Variants in GRAMD1B observed in about 807,000 individuals in gnomAD.
GRAMD1B encodes protein Aster-B.
A neutral mutation model predicts 99.7 loss-of-function variants in GRAMD1B; 37 were observed. The observed-to-expected ratio is 0.37, with a 90% CI of 0.29 to 0.49. GRAMD1B has a LOEUF of 0.49. Among genes scored for constraint, GRAMD1B ranks in the 20% least tolerant of loss-of-function variants. The probability of loss-of-function intolerance (pLI) is 0.98; values close to 1 mark genes in which losing one functional copy is unlikely to be tolerated. For missense variants in GRAMD1B, 888 were observed against 1,009.2 expected (o/e 0.88, Z 1.63); for synonymous variants, 427 against 387.6 (o/e 1.10, Z -1.19).
intron 11 of GRAMD1B, 65 bp downstream of exon 11, chr11:123,606,863 T>G (rs2136876037): frequency 6.8e-5 from 83 of 1,227,626 alleles, no homozygotes; most frequent in Middle Eastern, 1.9e-4. Flanking sequence ...AGGAGATCTC[T>G]ATGTGGGGAC....
chr11:123,546,660 G>A (rs1041161531), intron 2 of GRAMD1B, among the ~76,000 whole-genome samples: 1 of 152,318 alleles, frequency 6.6e-6, no homozygotes, highest in Non-Finnish European at 1.5e-5. Context: ...ATGCCACATA[G>A]CAGACAATGG....
chr11:123,505,289 C>T (rs1286681638), intron 2 of GRAMD1B, among the ~76,000 whole-genome samples: 1 of 152,082 alleles, frequency 6.6e-6, no homozygotes, highest in Non-Finnish European at 1.5e-5. Context: ...CCCTTAGCCT[C>T]CCCAAGTGCT....
intron 1 of GRAMD1B, among the ~76,000 whole-genome samples, chr11:123,374,825 A>T (rs1042622654): frequency 9.9e-5 from 15 of 152,228 alleles, no homozygotes; most frequent in Admixed American, 2.0e-4. Flanking sequence ...CTGCGTTGCC[A>T]TGAGGCAGGG....
intron 2 of GRAMD1B, among the ~76,000 whole-genome samples, chr11:123,552,040 C>T (rs1285126402): frequency 1.3e-5 from 2 of 152,166 alleles, no homozygotes; most frequent in Non-Finnish European, 2.9e-5. Context: ...AACTCCATTT[C>T]CTTGCCCAGT....
intron 1 of GRAMD1B, among the ~76,000 whole-genome samples, chr11:123,408,581 GA>G (rs1457800506): frequency 6.6e-6 from 1 of 152,238 alleles, no homozygotes; most frequent in Non-Finnish European, 1.5e-5. Context: ...AGAATTGAAT[GA>G]AGATAAATTC....
At chr11:123,371,702 TG>T (rs1269623291) in intron 1 of GRAMD1B, among the ~76,000 whole-genome samples, 14 of 152,234 alleles carry the variant, frequency 9.2e-5, no homozygotes, top group African/African-American at 3.1e-4. Context: ...ATGAACCTGC[TG>T]AGGCAGACAA....
At chr11:123,413,920 C>T (rs1054490507) in intron 1 of GRAMD1B, among the ~76,000 whole-genome samples, 1 of 152,118 alleles carries the variant, frequency 6.6e-6, no homozygotes. Context: ...TCTGAGAAGA[C>T]GCAGCTCAAG....
intron 1 of GRAMD1B, among the ~76,000 whole-genome samples, chr11:123,360,156 C>T (rs975013154): frequency 5.9e-5 from 9 of 152,172 alleles, no homozygotes; most frequent in African/African-American, 1.2e-4. Context: ...TAACACACAC[C>T]GATCTCTCTC....
intron 1 of GRAMD1B, among the ~76,000 whole-genome samples, chr11:123,436,651 T>C (rs1949173970): frequency 6.6e-6 from 1 of 152,146 alleles, no homozygotes; most frequent in African/African-American, 2.4e-5. Context: ...TTCCGTGTAG[T>C]GGGGAGGAAG....
intron 1 of GRAMD1B, among the ~76,000 whole-genome samples, chr11:123,380,078 GTC>G (rs1279242226): frequency 6.6e-6 from 1 of 152,142 alleles, no homozygotes; most frequent in Non-Finnish European, 1.5e-5. Flanking sequence ...CTAGACACAA[GTC>G]TCTTGTCAAA....
intron 1 of GRAMD1B, among the ~76,000 whole-genome samples, chr11:123,362,496 G>T (rs1157337919): frequency 6.6e-6 from 1 of 152,174 alleles, no homozygotes; most frequent in African/African-American, 2.4e-5. Context: ...TCAGGGGTCA[G>T]AATTGGAGAG....
intron 2 of GRAMD1B, among the ~76,000 whole-genome samples, chr11:123,556,822 C>G (rs569306355): frequency 9.8e-5 from 15 of 152,286 alleles, no homozygotes; most frequent in Admixed American, 3.3e-4. Flanking sequence ...TGTACCTGCT[C>G]TTGGATCAGC....
intron 2 of GRAMD1B, among the ~76,000 whole-genome samples, chr11:123,489,165 C>T (rs1333678682): frequency 6.6e-6 from 1 of 152,092 alleles, no homozygotes; most frequent in East Asian, 1.9e-4. Flanking sequence ...TGAAATCATG[C>T]CTGGCCTGTG....
chr11:123,558,454 A>G (rs988009710), intron 2 of GRAMD1B, among the ~76,000 whole-genome samples: 1 of 152,128 alleles, frequency 6.6e-6, no homozygotes, highest in African/African-American at 2.4e-5. Context: ...GAGGTACCCA[A>G]CCGTTCTCGG....
intron 1 of GRAMD1B, among the ~76,000 whole-genome samples, chr11:123,450,847 C>T (rs1048089849): frequency 1.3e-5 from 2 of 152,166 alleles, no homozygotes; most frequent in African/African-American, 4.8e-5. Flanking sequence ...AGCTGTTGCT[C>T]TTCTGGTGTT....
Position 123,577,450 on chromosome 11 carries a change from A to C in GRAMD1B, c.536A>C (p.Gln179Pro), listed in dbSNP as rs1183236305. The C allele has an allele frequency of 6.2e-7, 1 of 1,604,054 alleles. No individual in the cohort carries two copies. Among genetic ancestry groups the C allele is most frequent in the Non-Finnish European group, 8.5e-7 (1 of 1,175,612 alleles). ...KRSRSPTPQN[Q>P]DGDTMVEKGS... ...TCTCGCTCGCCAACCCCGCAGAACC[A>C]GGACGGAGACACCATGGTGGAGAAG... Residue 179 changes from glutamine to proline, a missense_variant, in exon 3 of 20, where the codon CAG becomes CCG. Transcript: ENST00000635736.
chr11:123,540,364 G>A (rs1232494441), intron 2 of GRAMD1B, among the ~76,000 whole-genome samples: 5 of 152,172 alleles, frequency 3.3e-5, no homozygotes, highest in Non-Finnish European at 7.3e-5. Context: ...ACAAGCATGA[G>A]CCACAGCACC....
In GRAMD1B at chr11:123,537,821, T is replaced by G. The variant is rs139818578; in HGVS notation, c.453-39546T>G. ...TTCTCCTTTTTACAAAAATCTGTACTTGGTGCAGTAAGTACTTAGTGCTGT... is the reference window on the plus strand; with the variant it reads ...TTCTCCTTTTTACAAAAATCTGTACGTGGTGCAGTAAGTACTTAGTGCTGT... On this transcript the variant is annotated intron_variant, in intron 2 of 19. Transcript: ENST00000635736. Among the ~76,000 whole-genome samples, 416 of 152,322 alleles carry G rather than the reference T, an allele frequency of 2.7e-3. 3 individuals are homozygous for G. Among genetic ancestry groups the G allele is most frequent in the Admixed American group, 8.7e-3 (133 of 15,292 alleles).
chr11:123,494,540 G>A (rs572223253), intron 2 of GRAMD1B, among the ~76,000 whole-genome samples: 5 of 151,936 alleles, frequency 3.3e-5, no homozygotes, highest in African/African-American at 1.2e-4. Context: ...CTCCTCTTTA[G>A]CAGTCCTGGC....
Sources: gnomAD v4.1 joint callset for allele counts (sites outside exome capture counted in the v4.1 genomes callset) on GRCh38, gnomAD v4.1.1 for gene constraint, MANE v1.5 for transcripts, NCBI Gene and HGNC (gene_info 2026-07-23, HGNC 2026-07-21) for gene names.